The following KIAA1328 variants were observed in gnomAD, a reference collection of about 807,000 sequenced individuals.
The protein encoded by KIAA1328 is protein hinderin.
A neutral mutation model predicts 68.1 loss-of-function variants in KIAA1328; 52 were observed. The ratio of observed to expected loss-of-function variants is 0.76; its 90% CI spans 0.61 to 0.96. KIAA1328 has a LOEUF of 0.96. KIAA1328 is among the 40% of genes least tolerant of loss of function. The pLI, the probability that KIAA1328 is intolerant of heterozygous loss-of-function variation, is 0.00. For missense variants in KIAA1328, 641 were observed against 677.6 expected, an observed-to-expected ratio of 0.95 and a Z score of 0.60; for synonymous variants, 232 against 239.4, an observed-to-expected ratio of 0.97 and a Z score of 0.28.
intron 5 of KIAA1328, among the ~76,000 whole-genome samples, chr18:36,911,217 T>C (rs2049433443): frequency 6.6e-6 from 1 of 152,188 alleles, no homozygotes; most frequent in Admixed American, 6.5e-5. Flanking sequence ...AGTAAACTAA[T>C]GCCTAGGTTT....
intron 6 of KIAA1328, among the ~76,000 whole-genome samples, chr18:37,007,785 A>G (rs1231819517): frequency 1.3e-5 from 2 of 152,356 alleles, no homozygotes; most frequent in Non-Finnish European, 2.9e-5. Context: ...TAAGCCCACT[A>G]TAGCCTACCC....
chr18:37,081,951 T>C (rs1043010504), intron 7 of KIAA1328, among the ~76,000 whole-genome samples: 1 of 152,176 alleles, frequency 6.6e-6, no homozygotes, highest in Non-Finnish European at 1.5e-5. Flanking sequence ...TATTGTTTAA[T>C]GTGTAATGTT....
At chr18:37,045,935 G>A (rs1409562624) in intron 6 of KIAA1328, among the ~76,000 whole-genome samples, 6 of 152,084 alleles carry the variant, frequency 3.9e-5, no homozygotes, top group Admixed American at 2.6e-4. Context: ...ATATCAGGTG[G>A]GTGCAAGTCT....
chr18:37,167,875 G>T (rs1386362836), intron 8 of KIAA1328, among the ~76,000 whole-genome samples: 2 of 150,764 alleles, frequency 1.3e-5, no homozygotes, highest in East Asian at 3.9e-4. Flanking sequence ...GCACTTCCCT[G>T]CCCCCCTCCC....
At chr18:37,044,641 C>CA (rs1025246114) in intron 6 of KIAA1328, among the ~76,000 whole-genome samples, 43 of 149,946 alleles carry the variant, frequency 2.9e-4, no homozygotes, top group Non-Finnish European at 5.0e-4. Flanking sequence ...ACTAAAAATA[C>CA]AAAAAAAAAT....
intron 5 of KIAA1328, among the ~76,000 whole-genome samples, chr18:36,916,335 A>G (rs1020634617): frequency 7.9e-5 from 12 of 152,054 alleles, no homozygotes; most frequent in African/African-American, 2.7e-4. Flanking sequence ...CACTGACTCA[A>G]TCTTCTGACA....
At chr18:37,077,131 C>G (rs2056767638) in intron 7 of KIAA1328, among the ~76,000 whole-genome samples, 1 of 150,242 alleles carries the variant, frequency 6.7e-6, no homozygotes, top group Admixed American at 6.6e-5. Context: ...AAAAGCTTAT[C>G]CACCATGATC....
At chr18:36,970,857 T>A (rs1341101536) in intron 6 of KIAA1328, among the ~76,000 whole-genome samples, 1 of 152,178 alleles carries the variant, frequency 6.6e-6, no homozygotes, top group East Asian at 1.9e-4. Flanking sequence ...ATCAATATCA[T>A]GAAAATGGCC....
intron 6 of KIAA1328, among the ~76,000 whole-genome samples, chr18:37,043,367 AT>A (rs1323974772): frequency 6.6e-6 from 1 of 152,160 alleles, no homozygotes; most frequent in Non-Finnish European, 1.5e-5. Flanking sequence ...GTGATATATT[AT>A]AACATCTTAG....
chr18:37,114,423 A>G lies in KIAA1328; in HGVS notation c.1233-45777A>G, dbSNP rs2058041213. Among the ~76,000 whole-genome samples, 4 of 152,324 alleles carry G rather than the reference A, an allele frequency of 2.6e-5. 1 individual carries two copies. The South Asian group carries it at 6.2e-4, about 24-fold the overall frequency. ...CCTGAGTGACTACTGGGTACATAAT[A>G]AAATGAAGGCAGAAATAAAGCTATT... On this transcript the variant is annotated intron_variant, in intron 7 of 9. Transcript: ENST00000280020.
At chr18:36,831,303 C>T (rs2046482999) in intron 1 of KIAA1328, among the ~76,000 whole-genome samples, 1 of 147,952 alleles carries the variant, frequency 6.8e-6, no homozygotes, top group Non-Finnish European at 1.5e-5. Flanking sequence ...TCAATGGCAC[C>T]TTTTTTTTTT....
At chr18:37,029,846 C>A (rs139844257) in intron 6 of KIAA1328, among the ~76,000 whole-genome samples, 4 of 152,008 alleles carry the variant, frequency 2.6e-5, no homozygotes, top group African/African-American at 9.7e-5. Flanking sequence ...CAGGAATGGA[C>A]TTTTTTGTGA....
rs58940699 is a variant in KIAA1328 at position 37,105,916 on chromosome 18, C to CAAAAAAAAAAAAAAAAAA, written c.1232+38383_1232+38400dup. Among the ~76,000 whole-genome samples, 18 of 19,506 alleles carry CAAAAAAAAAAAAAAAAAA rather than the reference C, an allele frequency of 9.2e-4. 2 individuals are homozygous for CAAAAAAAAAAAAAAAAAA. The highest frequency in any genetic ancestry group is 1.5e-3 in the Non-Finnish European group (11 of 7,384). 12.8% of individuals were successfully genotyped at this position (19,506 alleles called of 152,430 possible). A position where few individuals can be genotyped will look rare whatever the true frequency, so the allele number is the denominator to read the frequency against. Reference sequence around the variant, plus strand: ...TGGTTGACAGAGCAAGACTCTGTGTCAAAAAAAAAAAAAAAAAAAAAAAAA... The same window carrying CAAAAAAAAAAAAAAAAAA: ...TGGTTGACAGAGCAAGACTCTGTGTCAAAAAAAAAAAAAAAAAAAAAAAAAAAAAAAAAAAAAAAAAAA... On this transcript the variant is annotated intron_variant, in intron 7 of 9. Coordinates refer to ENST00000280020, the MANE Select transcript of KIAA1328 (RefSeq NM_020776.3).
intron 5 of KIAA1328, among the ~76,000 whole-genome samples, chr18:36,893,725 T>G (rs2151009714): frequency 6.6e-6 from 1 of 151,896 alleles, no homozygotes; most frequent in Non-Finnish European, 1.5e-5. Flanking sequence ...AAGCAGAAAA[T>G]TAGAAGTAGA....
rs1165727055 is a variant in KIAA1328, at chr18:36,898,472, G to T, written c.448+12800G>T. Among the ~76,000 whole-genome samples, 6 of 151,916 alleles carry T rather than the reference G, an allele frequency of 3.9e-5. No homozygotes were observed. The East Asian group carries it at 1.2e-3, about 29-fold the overall frequency. On this transcript the variant is annotated intron_variant, in intron 5 of 9. Transcript: ENST00000280020. ...AAGAGATCTCAAGGAAAATAATGCA[G>T]AAATCAAGCTGAGAAGGCTCTGATT...
At chr18:37,151,302 T>C (rs561694391) in intron 7 of KIAA1328, among the ~76,000 whole-genome samples, 1 of 152,284 alleles carries the variant, frequency 6.6e-6, no homozygotes, top group African/African-American at 2.4e-5. Context: ...AAAGATATGC[T>C]CTTGAATTTG....
chr18:37,219,005 G>A (rs2154224397), intron 9 of KIAA1328, among the ~76,000 whole-genome samples: 1 of 152,262 alleles, frequency 6.6e-6, no homozygotes, highest in East Asian at 1.9e-4. Context: ...TGGTGTTGAT[G>A]TCCTTTTTGT....
At position 36,896,964 on chromosome 18, in the gene KIAA1328, T is replaced by A. The variant is rs541137217; in HGVS notation, c.448+11292T>A. Among the ~76,000 whole-genome samples the A allele has an allele frequency of 2.8e-4, 43 of 152,180 alleles. No individual in the cohort carries two copies. The South Asian group carries it at 8.5e-3, about 30-fold the overall frequency. On this transcript the variant is annotated intron_variant, in intron 5 of 9. Coordinates refer to ENST00000280020, the MANE Select transcript of KIAA1328 (RefSeq NM_020776.3). Reference sequence around the variant, plus strand: ...TTAACCTTAGGATGGCCTTAACTTATGAATAAATGATTTAGATGGTAATAC... The same window carrying A: ...TTAACCTTAGGATGGCCTTAACTTAAGAATAAATGATTTAGATGGTAATAC...
intron 5 of KIAA1328, among the ~76,000 whole-genome samples, chr18:36,909,056 A>T (rs1313414395): frequency 6.6e-6 from 1 of 152,146 alleles, no homozygotes; most frequent in African/African-American, 2.4e-5. Context: ...TTGAAGATTC[A>T]TATATTTACC....
Sources: allele counts gnomAD v4.1 joint callset (sites outside exome capture counted in the v4.1 genomes callset), GRCh38; gene constraint gnomAD v4.1.1; transcripts MANE v1.5; gene names NCBI Gene and HGNC (gene_info 2026-07-23, HGNC 2026-07-21).